Variants in CSGALNACT1 observed in about 807,000 individuals in gnomAD.
The protein encoded by CSGALNACT1 is chondroitin sulfate N-acetylgalactosaminyltransferase 1, also known as beta4GalNAcT-1.
CSGALNACT1 carries 52 observed loss-of-function variants against 51.0 expected under a neutral mutation model. The ratio of observed to expected loss-of-function variants is 1.02; its 90% CI spans 0.82 to 1.29. CSGALNACT1 has a LOEUF of 1.29. Ranked by LOEUF, CSGALNACT1 falls within the 50% of genes most tolerant of loss-of-function variation. CSGALNACT1 has a pLI of 0.00. For missense variants in CSGALNACT1, 935 were observed against 679.2 expected (o/e 1.38, Z -4.19); for synonymous variants, 341 against 254.4 (o/e 1.34, Z -3.24).
chr8:19,720,617 G>C (rs2063067964), intron 1 of CSGALNACT1, among the ~76,000 whole-genome samples: 1 of 152,172 alleles, frequency 6.6e-6, no homozygotes, highest in African/African-American at 2.4e-5. Context: ...GGGCTAAGGA[G>C]TGTGGCTGTG....
At chr8:19,513,599 T>C (rs753235687) in intron 3 of CSGALNACT1, among the ~76,000 whole-genome samples, 5 of 151,950 alleles carry the variant, frequency 3.3e-5, no homozygotes, top group Admixed American at 6.6e-5. Flanking sequence ...CATTGCTTAA[T>C]GAAAGAAAAA....
intron 1 of CSGALNACT1, among the ~76,000 whole-genome samples, chr8:19,610,313 A>C (rs13251908): frequency 1.4e-5 from 2 of 147,334 alleles, no homozygotes; most frequent in African/African-American, 5.0e-5. Flanking sequence ...AAAAAAAAAG[A>C]TACAGAAGAG....
At chr8:19,630,156 G>A (rs1249037253) in intron 1 of CSGALNACT1, among the ~76,000 whole-genome samples, 1 of 150,124 alleles carries the variant, frequency 6.7e-6, no homozygotes, top group Non-Finnish European at 1.5e-5. Flanking sequence ...CCACAGTTAG[G>A]TTGCCAGAGA....
chr8:19,692,118 A>G (rs2154216046), intron 1 of CSGALNACT1, among the ~76,000 whole-genome samples: 1 of 152,274 alleles, frequency 6.6e-6, no homozygotes, highest in Non-Finnish European at 1.5e-5. Context: ...CTCACTCACT[A>G]TCACGAGAAC....
At chr8:19,603,780 C>T (rs187560671), upstream of CSGALNACT1, among the ~76,000 whole-genome samples, 1 of 152,150 alleles carries the variant, frequency 6.6e-6, no homozygotes, top group Non-Finnish European at 1.5e-5. Context: ...CCTTGGCCAT[C>T]TAAGTAAAAA....
chr8:19,659,834 C>G (rs574805398), intron 1 of CSGALNACT1, among the ~76,000 whole-genome samples: 4 of 152,294 alleles, frequency 2.6e-5, no homozygotes, highest in South Asian at 4.1e-4. Flanking sequence ...AGTGCATCTC[C>G]CAGGGGAGAT....
At chr8:19,476,231 A>G (rs1261615379) in intron 4 of CSGALNACT1, among the ~76,000 whole-genome samples, 2 of 151,890 alleles carry the variant, frequency 1.3e-5, no homozygotes, top group Non-Finnish European at 2.9e-5. Flanking sequence ...GTACTCCCCC[A>G]GTTTTTTGTT....
intron 1 of CSGALNACT1, among the ~76,000 whole-genome samples, chr8:19,609,530 T>C (rs573179262): frequency 7.9e-5 from 12 of 152,082 alleles, no homozygotes; most frequent in Middle Eastern, 3.4e-3. Context: ...GAATGATCTA[T>C]TGATACACAT....
chr8:19,413,601 A>G (rs113652188), intron 8 of CSGALNACT1, among the ~76,000 whole-genome samples: 32 of 152,368 alleles, frequency 2.1e-4, no homozygotes, highest in African/African-American at 7.2e-4. Context: ...ATTTACAAAA[A>G]GGTTTCAACT....
At chr8:19,540,142 T>C (rs2084756176) in intron 3 of CSGALNACT1, among the ~76,000 whole-genome samples, 1 of 152,208 alleles carries the variant, frequency 6.6e-6, no homozygotes, top group African/African-American at 2.4e-5. Flanking sequence ...GGCATGTGTT[T>C]TACAATACCC....
At chr8:19,486,138 C>CA (rs1413267998) in intron 4 of CSGALNACT1, among the ~76,000 whole-genome samples, 52 of 150,560 alleles carry the variant, frequency 3.5e-4, no homozygotes, top group East Asian at 1.6e-3. Flanking sequence ...AAAAAAAAAA[C>CA]AAAAAAAACA....
chr8:19,681,309 G>C (rs952584151), intron 1 of CSGALNACT1, among the ~76,000 whole-genome samples: 12 of 152,180 alleles, frequency 7.9e-5, no homozygotes, highest in Non-Finnish European at 1.5e-4. Context: ...ATGTGTAAGA[G>C]GTTGAGGCAA....
At chr8:19,568,196 C>T (rs562721594) in intron 3 of CSGALNACT1, among the ~76,000 whole-genome samples, 2 of 152,284 alleles carry the variant, frequency 1.3e-5, no homozygotes, top group South Asian at 2.1e-4. Flanking sequence ...ATATATTGTA[C>T]TGACACAAAC....
intron 1 of CSGALNACT1, among the ~76,000 whole-genome samples, chr8:19,715,993 G>C (rs922451992): frequency 1.3e-5 from 2 of 152,170 alleles, no homozygotes; most frequent in African/African-American, 4.8e-5. Context: ...GTCAATCCAT[G>C]CTTGTCAGCC....
At chr8:19,539,705 A>G (rs1247442330) in intron 3 of CSGALNACT1, among the ~76,000 whole-genome samples, 1 of 152,222 alleles carries the variant, frequency 6.6e-6, no homozygotes, top group African/African-American at 2.4e-5. Flanking sequence ...GTGACACAGC[A>G]ATATTTATCC....
intron 1 of CSGALNACT1, among the ~76,000 whole-genome samples, chr8:19,610,318 G>C (rs1437187853): frequency 7.4e-6 from 1 of 135,514 alleles, no homozygotes; most frequent in East Asian, 2.3e-4. Context: ...AAAAGATACA[G>C]AAGAGGGGAA....
intron 1 of CSGALNACT1, among the ~76,000 whole-genome samples, chr8:19,642,850 T>C (rs1231170952): frequency 6.7e-6 from 1 of 150,374 alleles, no homozygotes; most frequent in African/African-American, 2.4e-5. Context: ...AACAAAAAAA[T>C]TGCTGGGTCA....
At chr8:19,751,730 T>G (rs1563226134) in intron 1 of CSGALNACT1, among the ~76,000 whole-genome samples, 1 of 152,162 alleles carries the variant, frequency 6.6e-6, no homozygotes, top group Admixed American at 6.5e-5. Context: ...GATAGAGTTC[T>G]CATGAGATCT....
intron 6 of CSGALNACT1, among the ~76,000 whole-genome samples, chr8:19,432,936 G>A (rs1011210968): frequency 6.6e-6 from 1 of 151,830 alleles, no homozygotes; most frequent in Non-Finnish European, 1.5e-5. Context: ...GCTTCTTTAA[G>A]GACAAGTTCT....
Sources: gnomAD v4.1 joint callset for allele counts (sites outside exome capture counted in the v4.1 genomes callset) on GRCh38, gnomAD v4.1.1 for gene constraint, MANE v1.5 for transcripts, NCBI Gene and HGNC (gene_info 2026-07-23, HGNC 2026-07-21) for gene names.